Variants in PIR observed in about 807,000 individuals in gnomAD.
The protein encoded by PIR is pirin (iron-binding nuclear protein).
PIR carries 22 observed loss-of-function variants against 24.2 expected under a neutral mutation model. The ratio of observed to expected loss-of-function variants is 0.91; its 90% CI spans 0.65 to 1.30. PIR has a LOEUF of 1.30. Among genes scored for constraint, PIR ranks in the 50% most tolerant of loss-of-function variants. PIR has a pLI of 0.00. For synonymous variants in PIR, 80 were observed against 79.6 expected, an observed-to-expected ratio of 1.00 and a Z score of -0.03; for missense variants, 220 against 220.3, an observed-to-expected ratio of 1.00 and a Z score of 0.01.
At chrX:15,422,422 C>A (rs1925164329) in intron 6 of PIR, among the ~76,000 whole-genome samples, 1 of 107,931 alleles carries the variant, frequency 9.3e-6, no homozygotes, top group South Asian at 3.9e-4. Flanking sequence ...CTAAGAAAAA[C>A]TTAAAGACTC....
chrX:15,404,124 C>T (rs1286483037), intron 7 of PIR, among the ~76,000 whole-genome samples: 1 of 110,418 alleles, frequency 9.1e-6, no homozygotes, highest in Non-Finnish European at 1.9e-5. Flanking sequence ...CTCGGCCTCC[C>T]GTGTAGCTGG....
intron 2 of PIR, among the ~76,000 whole-genome samples, chrX:15,486,708 G>A (rs578153534): frequency 6.3e-5 from 7 of 111,527 alleles, no homozygotes; most frequent in Admixed American, 1.9e-4. Flanking sequence ...AGGGTAAATG[G>A]TTGCCATTTC....
intron 5 of PIR, among the ~76,000 whole-genome samples, chrX:15,445,640 C>G (rs12848762): frequency 4.5e-5 from 5 of 110,783 alleles, no homozygotes; most frequent in Non-Finnish European, 7.6e-5. Context: ...GGAGCCAGAT[C>G]TTAATCAGTC....
intron 5 of PIR, among the ~76,000 whole-genome samples, chrX:15,436,187 T>C (rs1272968272): frequency 8.9e-6 from 1 of 112,484 alleles, no homozygotes; most frequent in Non-Finnish European, 1.9e-5. Context: ...TCAAGCTGTC[T>C]AGCTGACCAA....
intron 8 of PIR, among the ~76,000 whole-genome samples, chrX:15,391,383 A>G (rs1157302909): frequency 8.9e-6 from 1 of 112,269 alleles, no homozygotes; most frequent in Non-Finnish European, 1.9e-5. Context: ...GAAACATAAA[A>G]TATATATTTT....
intron 5 of PIR, among the ~76,000 whole-genome samples, chrX:15,427,635 T>C (rs912526379): frequency 1.8e-5 from 2 of 109,895 alleles, no homozygotes; most frequent in African/African-American, 6.6e-5. Context: ...AATACAGTTA[T>C]TGACAGTAGA....
intron 6 of PIR, among the ~76,000 whole-genome samples, chrX:15,414,746 G>A (rs761300061): frequency 3.6e-5 from 4 of 110,658 alleles, no homozygotes; most frequent in Non-Finnish European, 5.7e-5. Flanking sequence ...GGCTTGTCTC[G>A]AACTCCTGGC....
chrX:15,418,541 G>A lies in PIR; in HGVS notation c.565+7365C>T, dbSNP rs184371230. Among the ~76,000 whole-genome samples the A allele has an allele frequency of 9.2e-4, 103 of 111,903 alleles. 1 individual carries two copies. Among genetic ancestry groups the A allele is most frequent in the African/African-American group, 2.9e-3 (89 of 30,823 alleles). On this transcript the variant is annotated intron_variant, in intron 6 of 9. Transcript: ENST00000380420. ...AGGAATCTGGTACTGTCAGAAACTCGACAAATTAGATTCTTTGTAAGTGAT... is the reference window on the plus strand; with the variant it reads ...AGGAATCTGGTACTGTCAGAAACTCAACAAATTAGATTCTTTGTAAGTGAT...
chrX:15,487,521 T>C (rs1331625458), intron 2 of PIR, among the ~76,000 whole-genome samples: 1 of 112,305 alleles, frequency 8.9e-6, no homozygotes, highest in Non-Finnish European at 1.9e-5. Context: ...ATACTATTTC[T>C]CTACTTTTCT....
intron 5 of PIR, among the ~76,000 whole-genome samples, chrX:15,435,977 T>C (rs1925738317): frequency 8.9e-6 from 1 of 112,267 alleles, no homozygotes; most frequent in African/African-American, 3.2e-5. Flanking sequence ...TTAGTTTCCA[T>C]CCCCAGTGCC....
chrX:15,477,890 A>T (rs1922282315), intron 3 of PIR, among the ~76,000 whole-genome samples: 1 of 111,493 alleles, frequency 9.0e-6, no homozygotes, highest in Non-Finnish European at 1.9e-5. Context: ...AAGTAAATGA[A>T]CTGACAAATA....
At chrX:15,453,824 C>T (rs937589205) in intron 5 of PIR, among the ~76,000 whole-genome samples, 1 of 111,987 alleles carries the variant, frequency 8.9e-6, no homozygotes, top group Non-Finnish European at 1.9e-5. Context: ...TAGTTGTAAA[C>T]TCTAAGGATT....
chrX:15,412,077 G>A (rs1261440708), intron 6 of PIR, among the ~76,000 whole-genome samples: 1 of 111,463 alleles, frequency 9.0e-6, no homozygotes, highest in Non-Finnish European at 1.9e-5. Context: ...AAAGTATAGT[G>A]CACTTATGGA....
intron 4 of PIR, among the ~76,000 whole-genome samples, chrX:15,457,161 T>C (rs1249965443): frequency 8.9e-6 from 1 of 112,137 alleles, no homozygotes; most frequent in Non-Finnish European, 1.9e-5. Context: ...TTTGAAATTG[T>C]TGCATGGAGA....
intron 3 of PIR, among the ~76,000 whole-genome samples, chrX:15,473,952 T>A (rs1602294874): frequency 8.9e-6 from 1 of 112,583 alleles, no homozygotes; most frequent in Admixed American, 9.4e-5. Flanking sequence ...GTCATAGAAG[T>A]AGGGTTACTG....
At chrX:15,456,937 T>C (rs369453217) in intron 4 of PIR, among the ~76,000 whole-genome samples, 1 of 112,558 alleles carries the variant, frequency 8.9e-6, no homozygotes, top group South Asian at 3.7e-4. Context: ...ATGAACATCA[T>C]AGATGCATTT....
chrX:15,464,910 A>G (rs1480340637), intron 3 of PIR, among the ~76,000 whole-genome samples: 2 of 112,299 alleles, frequency 1.8e-5, no homozygotes, highest in African/African-American at 6.5e-5. Flanking sequence ...TCAATTATCC[A>G]AGCCTAAGGG....
intron 2 of PIR, among the ~76,000 whole-genome samples, chrX:15,481,151 G>A (rs1285652028): frequency 8.9e-6 from 1 of 112,188 alleles, no homozygotes; most frequent in Non-Finnish European, 1.9e-5. Flanking sequence ...AAATAGCTAT[G>A]ATGACTTCAT....
At chrX:15,475,990 G>C (rs1162884747) in intron 3 of PIR, among the ~76,000 whole-genome samples, 1 of 112,092 alleles carries the variant, frequency 8.9e-6, no homozygotes, top group African/African-American at 3.2e-5. Flanking sequence ...CATTAACCCA[G>C]TAAAATTGGG....
Sources: allele counts gnomAD v4.1 joint callset (sites outside exome capture counted in the v4.1 genomes callset), GRCh38; gene constraint gnomAD v4.1.1; transcripts MANE v1.5; gene names NCBI Gene and HGNC (gene_info 2026-07-23, HGNC 2026-07-21).